Variants in BCAT1 observed in about 807,000 individuals in gnomAD.
BCAT1 encodes the protein branched chain amino acid transaminase 1.
In BCAT1, 48 loss-of-function variants were observed where a neutral mutation model predicts 52.4. The observed-to-expected ratio is 0.92, with a 90% CI of 0.73 to 1.16. The LOEUF (loss-of-function observed/expected upper bound fraction) is 1.16. BCAT1 is among the 50% of genes most tolerant of loss of function. The pLI, the probability that BCAT1 is intolerant of heterozygous loss-of-function variation, is 0.00. For synonymous variants in BCAT1, 167 were observed against 161.3 expected (o/e 1.04, Z -0.27); for missense variants, 451 against 457.1 (o/e 0.99, Z 0.12).
chr12:24,901,634 G>T (rs143789475), intron 2 of BCAT1, among the ~76,000 whole-genome samples, 180 bp downstream of exon 2: 1 of 152,296 alleles, frequency 6.6e-6, no homozygotes, highest in East Asian at 1.9e-4. Context: ...TTGTTGTGAT[G>T]AATGTACTGT....
At chr12:24,888,333 T>A (rs1942741502) in intron 3 of BCAT1, among the ~76,000 whole-genome samples, 2 of 152,102 alleles carry the variant, frequency 1.3e-5, no homozygotes, top group Admixed American at 1.3e-4. Flanking sequence ...ACCCTGTCTC[T>A]ACTAAAAATA....
chr12:24,921,671 C>T (rs984934171), intron 1 of BCAT1, among the ~76,000 whole-genome samples: 4 of 152,162 alleles, frequency 2.6e-5, no homozygotes, highest in African/African-American at 9.7e-5. Context: ...TTCCCTCCAC[C>T]CCAGAGCTGA....
rs529447593 is a variant in BCAT1 at position 24,914,108 on chromosome 12, G to T, written c.7-12223C>A. 1.7e-3 allele frequency among the ~76,000 whole-genome samples: 247 copies of T among 149,472 alleles called. 2 individuals carry two copies. The highest frequency in any genetic ancestry group is 5.2e-3 in the African/African-American group (212 of 40,638). ...CTTTTTTTTTTTTTTTTGAGATGGGGTCTCACTGTATTGCCCAGGCTAGAG... is the reference window on the plus strand; with the variant it reads ...CTTTTTTTTTTTTTTTTGAGATGGGTTCTCACTGTATTGCCCAGGCTAGAG... On this transcript the variant is annotated intron_variant, in intron 1 of 10. Transcript: ENST00000261192.
intron 5 of BCAT1, among the ~76,000 whole-genome samples, chr12:24,855,893 G>A (rs1398811360): frequency 1.2e-4 from 18 of 151,772 alleles, no homozygotes; most frequent in Admixed American, 1.2e-3. Context: ...CTTTCAAAGT[G>A]CTGAGGTTAC....
intron 2 of BCAT1, among the ~76,000 whole-genome samples, chr12:24,896,352 G>A (rs1942960320): frequency 6.6e-6 from 1 of 152,186 alleles, no homozygotes; most frequent in Admixed American, 6.5e-5. Context: ...GGCCTGTTTT[G>A]AAATTAAAAT....
intron 1 of BCAT1, chr12:24,902,091 C>T: frequency 2.0e-6 from 3 of 1,476,848 alleles, no homozygotes; most frequent in South Asian, 2.7e-5. Flanking sequence ...CCCACCCTGC[C>T]GGGGTCGCGG....
rs1401758381 is a variant in BCAT1 at position 24,902,608 on chromosome 12, G to T, written c.7-723C>A. On this transcript the variant is annotated intron_variant, in intron 1 of 10. Coordinates refer to ENST00000261192, the MANE Select transcript of BCAT1 (RefSeq NM_005504.7). ...ACGTAGGATGTGGCTGTGGGTTCTG[G>T]CAGCCCAGAGATTCAGCTCCCGCCT... 11 of 436,554 alleles carry T rather than the reference G, an allele frequency of 2.5e-5. No homozygotes were observed. The East Asian group carries it at 5.2e-4, about 21-fold the overall frequency. 27.0% of individuals were successfully genotyped at this position (436,554 alleles called of 1,614,324 possible). A position where few individuals can be genotyped will look rare whatever the true frequency, so the allele number is the denominator to read the frequency against.
In BCAT1 at chr12:24,815,708, G is replaced by A. The variant is rs571620828; in HGVS notation, c.*2300C>T. The A allele has an allele frequency of 6.6e-6, 1 of 152,218 alleles. No individual in the cohort carries two copies. Among genetic ancestry groups the A allele is most frequent in the South Asian group, 2.1e-4 (1 of 4,818 alleles). The allele number at this position is 152,218 out of a possible 1,614,324, so 9.4% of individuals were successfully genotyped here. A position where few individuals can be genotyped will look rare whatever the true frequency, so the allele number is the denominator to read the frequency against. ...TCCAGTTTTTAAACATCTATCCTTAGTTTTCACTGGGTCTGATGAAAAGGG... is the reference window on the plus strand; with the variant it reads ...TCCAGTTTTTAAACATCTATCCTTAATTTTCACTGGGTCTGATGAAAAGGG... On this transcript the variant is annotated 3_prime_UTR_variant, in exon 11 of 11. Coordinates refer to ENST00000261192, the MANE Select transcript of BCAT1 (RefSeq NM_005504.7).
In BCAT1 at chr12:24,881,336, T is replaced by A; in HGVS notation, c.355A>T (p.Arg119Ter). ...GCCCTCACAGCAGAGCGATACATTC[T>A]ATCCATGTTGAGGTTTGGCTGAAAC... Reference protein sequence around the residue: ...RLFQPNLNMDRMYRSAVRATL... With the variant: ...RLFQPNLNMD The change falls in exon 4 of 11, where the codon AGA (arginine) becomes TGA (stop). Residue 119 changes from arginine to a stop codon, truncating the protein, a stop_gained. Transcript: ENST00000261192. LOFTEE classifies it high-confidence loss of function. 6.2e-7 allele frequency: 1 copy of A among 1,613,194 alleles called. No homozygotes were observed.
chr12:24,830,746 A>G (rs1050839806), intron 9 of BCAT1: 18 of 152,246 alleles, frequency 1.2e-4, no homozygotes, highest in Non-Finnish European at 1.9e-4. Context: ...CCTAATGACA[A>G]CTTCAGTGGA....
intron 1 of BCAT1, among the ~76,000 whole-genome samples, chr12:24,928,838 C>A (rs1943635827): frequency 6.6e-6 from 1 of 151,962 alleles, no homozygotes. Context: ...CAGGTTCAAG[C>A]AATTCTCCTG....
chr12:24,832,873 A>G lies in BCAT1; in HGVS notation c.904-10T>C. ...ACACCTTAAATTCACCCTGCATGGA[A>G]TATAAAAAATAACAAGTATATTTTA... is the stretch of plus-strand genomic sequence containing the variant. On this transcript the variant is annotated splice_polypyrimidine_tract_variant and intron_variant, in intron 8 of 10. Coordinates refer to ENST00000261192, the MANE Select transcript of BCAT1 (RefSeq NM_005504.7). 1 of 1,598,142 alleles carries G rather than the reference A, an allele frequency of 6.3e-7. No individual in the cohort carries two copies. Among genetic ancestry groups the G allele is most frequent in the South Asian group, 1.1e-5 (1 of 88,642 alleles).
intron 1 of BCAT1, among the ~76,000 whole-genome samples, chr12:24,919,126 CAGAA>C (rs1380656527): frequency 2.0e-5 from 3 of 152,298 alleles, no homozygotes; most frequent in African/African-American, 7.2e-5. Context: ...TAAGTAGAGA[CAGAA>C]AGAGAGACAG....
At chr12:24,818,719 T>C (rs1283998022) in intron 10 of BCAT1, among the ~76,000 whole-genome samples, 1 of 152,226 alleles carries the variant, frequency 6.6e-6, no homozygotes, top group African/African-American at 2.4e-5. Flanking sequence ...TCTTCAAAAG[T>C]TATGTAACTG....
At chr12:24,887,600 C>T (rs1178839709) in intron 3 of BCAT1, among the ~76,000 whole-genome samples, 2 of 152,160 alleles carry the variant, frequency 1.3e-5, no homozygotes, top group Non-Finnish European at 1.5e-5. Context: ...GAATGGGACA[C>T]GCGAGGGCTT....
At chr12:24,906,807 AT>A (rs1371480772) in intron 1 of BCAT1, among the ~76,000 whole-genome samples, 4 of 152,314 alleles carry the variant, frequency 2.6e-5, no homozygotes, top group African/African-American at 9.6e-5. Flanking sequence ...ATGTCTATCC[AT>A]TCTTGCTCCA....
chr12:24,855,750 C>A (rs1387211680), intron 5 of BCAT1, among the ~76,000 whole-genome samples: 1 of 152,098 alleles, frequency 6.6e-6, no homozygotes, highest in South Asian at 2.1e-4. Context: ...ACCTAACATT[C>A]CTTTCTGCTG....
Position 24,815,150 on chromosome 12 carries a change from T to G in BCAT1, c.*2858A>C, listed in dbSNP as rs1325761841. The G allele has an allele frequency of 6.6e-6, 1 of 152,166 alleles. No homozygotes were observed. Among genetic ancestry groups the G allele is most frequent in the East Asian group, 1.9e-4 (1 of 5,206 alleles). 9.4% of individuals were successfully genotyped at this position (152,166 alleles called of 1,614,324 possible). A position where few individuals can be genotyped will look rare whatever the true frequency, so the allele number is the denominator to read the frequency against. ...GTTTTGCCTTTGTCTTGACACTTCA[T>G]TTTAAAATCTTGGTTTCTACTGATG... On this transcript the variant is annotated 3_prime_UTR_variant, in exon 11 of 11. Coordinates refer to ENST00000261192, the MANE Select transcript of BCAT1 (RefSeq NM_005504.7).
Position 24,864,096 on chromosome 12 carries a change from T to C in BCAT1, c.511-14147A>G, listed in dbSNP as rs377482920. Among the ~76,000 whole-genome samples, 76 of 152,270 alleles carry C rather than the reference T, an allele frequency of 5.0e-4. No homozygotes were observed. In the South Asian group the frequency reaches 6.8e-3, roughly 14 times the overall value. On this transcript the variant is annotated intron_variant, in intron 5 of 10. Coordinates refer to ENST00000261192, the MANE Select transcript of BCAT1 (RefSeq NM_005504.7). ...TTTGTACTATAAAAGCAGAGGTGAG[T>C]AGCTATATAGCCTACAAAGTCAAAA...
Sources: gnomAD v4.1 joint callset for allele counts (sites outside exome capture counted in the v4.1 genomes callset) on GRCh38, gnomAD v4.1.1 for gene constraint, MANE v1.5 for transcripts, NCBI Gene and HGNC (gene_info 2026-07-23, HGNC 2026-07-21) for gene names.